The following SLC2A9 variants were observed in gnomAD, a reference collection of about 807,000 sequenced individuals.
SLC2A9 encodes the protein solute carrier family 2, facilitated glucose transporter member 9.
A neutral mutation model predicts 50.6 loss-of-function variants in SLC2A9; 39 were observed. That is an observed-to-expected ratio of 0.77 (90% CI 0.60 to 1.01). The LOEUF (loss-of-function observed/expected upper bound fraction) is 1.01, where lower values mean the gene tolerates loss of function less well. Ranked by LOEUF, SLC2A9 falls within the 50% of genes least tolerant of loss-of-function variation. The pLI is 0.00. For synonymous variants in SLC2A9, 324 were observed against 276.9 expected (o/e 1.17, Z -1.69); for missense variants, 686 against 677.6 (o/e 1.01, Z -0.14).
At chr4:9,890,767 G>T in intron 8 of SLC2A9, 56 bp from the exon 9 acceptor site, 1 of 1,489,882 alleles carries the variant, frequency 6.7e-7, no homozygotes, top group Non-Finnish European at 9.3e-7. Context: ...AACCACAACA[G>T]GGGAATGTGG....
At chr4:10,016,323 T>C (rs1762600190) in intron 2 of SLC2A9, among the ~76,000 whole-genome samples, 1 of 152,180 alleles carries the variant, frequency 6.6e-6, no homozygotes, top group Non-Finnish European at 1.5e-5. Context: ...TATGTGACTG[T>C]GGGAAAGTCA....
intron 5 of SLC2A9, among the ~76,000 whole-genome samples, chr4:9,971,154 T>G (rs13103690): frequency 0.56 from 85,395 of 151,926 alleles, 25,343 homozygotes; most frequent in African/African-American, 0.77. Flanking sequence ...CTACAATTCA[T>G]TGTGTGAGAG....
At chr4:9,920,047 C>A (rs1278676727) in intron 7 of SLC2A9, among the ~76,000 whole-genome samples, 1 of 152,144 alleles carries the variant, frequency 6.6e-6, no homozygotes, top group African/African-American at 2.4e-5. Context: ...ATCTGAATGT[C>A]TCTCACTTCT....
Position 9,790,031 on chromosome 4 carries a change from T to C in SLC2A9, n.386-9966A>G, listed in dbSNP as rs180915348. Among the ~76,000 whole-genome samples, 11 of 152,326 alleles carry C rather than the reference T, an allele frequency of 7.2e-5. No homozygotes were observed. The East Asian group carries it at 7.7e-4, about 11-fold the overall frequency. ...CAATATTCTTGTGACATAGGCACCA[T>C]TGTCCTCATTTGAAAAAGGAGGAAA... On this transcript the variant is annotated intron_variant and non_coding_transcript_variant, in intron 3 of 3. Coordinates refer to the SLC2A9 transcript ENST00000503803.
At chr4:9,924,743 G>A (rs1744586268) in intron 6 of SLC2A9, among the ~76,000 whole-genome samples, 1 of 152,060 alleles carries the variant, frequency 6.6e-6, no homozygotes, top group Non-Finnish European at 1.5e-5. Flanking sequence ...TCAGGCTTTG[G>A]GGGCACCTGA....
chr4:9,855,571 T>C (rs1730601782), intron 10 of SLC2A9, among the ~76,000 whole-genome samples: 1 of 152,162 alleles, frequency 6.6e-6, no homozygotes, highest in Admixed American at 6.6e-5. Context: ...ATGCAATTCA[T>C]GTCAAACTAT....
intron 6 of SLC2A9, among the ~76,000 whole-genome samples, chr4:9,925,789 C>A (rs891315711): frequency 2.0e-5 from 3 of 152,038 alleles, no homozygotes; most frequent in Admixed American, 2.0e-4. Flanking sequence ...AACACAGAAG[C>A]GGGGGAGGGC....
intron 10 of SLC2A9, among the ~76,000 whole-genome samples, chr4:9,835,709 G>T (rs1292362254): frequency 6.6e-6 from 1 of 152,180 alleles, no homozygotes; most frequent in African/African-American, 2.4e-5. Context: ...TAAAATGGGA[G>T]TGAGTCCAGG....
intron 2 of SLC2A9, among the ~76,000 whole-genome samples, chr4:10,016,157 C>G (rs901245266): frequency 6.6e-6 from 1 of 152,232 alleles, no homozygotes; most frequent in Non-Finnish European, 1.5e-5. Flanking sequence ...GCTGCGCATA[C>G]TGGCCACAGA....
chr4:9,942,076 G>A lies in SLC2A9; in HGVS notation c.682-31C>T, dbSNP rs4292327. ...GGAGAAGGAGATGCTGCTGAGTGCAGTGGCCTTTGGTCATTGTTGAGGGGA... is the reference window on the plus strand; with the variant it reads ...GGAGAAGGAGATGCTGCTGAGTGCAATGGCCTTTGGTCATTGTTGAGGGGA... On this transcript the variant is annotated intron_variant, in intron 5 of 11. Coordinates refer to ENST00000264784, the MANE Select transcript of SLC2A9 (RefSeq NM_020041.3). 0.19 allele frequency: 311,959 copies of A among 1,612,712 alleles called. 32,322 individuals carry two copies. The highest frequency in any genetic ancestry group is 0.21 in the Non-Finnish European group (251,303 of 1,179,092).
chr4:9,961,173 C>T (rs566598585), intron 5 of SLC2A9, among the ~76,000 whole-genome samples: 88 of 152,268 alleles, frequency 5.8e-4, no homozygotes, highest in African/African-American at 2.0e-3. Context: ...GAGCAATTTC[C>T]GTCATGCTAT....
chr4:9,785,143 C>G (rs527275736), intron 3 of SLC2A9, among the ~76,000 whole-genome samples: 1 of 152,276 alleles, frequency 6.6e-6, no homozygotes, highest in Admixed American at 6.5e-5. Context: ...GCACCCAGCT[C>G]TAGGATTCAG....
At chr4:9,779,310 G>A (rs1718001970), downstream of SLC2A9, among the ~76,000 whole-genome samples, 1 of 151,936 alleles carries the variant, frequency 6.6e-6, no homozygotes, top group South Asian at 2.1e-4. Flanking sequence ...CCCAACTGCT[G>A]TACACTTAGA....
chr4:9,793,939 T>C (rs1013731561), intron 3 of SLC2A9, among the ~76,000 whole-genome samples: 1 of 152,178 alleles, frequency 6.6e-6, no homozygotes, highest in Admixed American at 6.6e-5. Context: ...CAACAAGGAA[T>C]GAACATCAGA....
chr4:10,016,289 G>A (rs969938740), intron 2 of SLC2A9, among the ~76,000 whole-genome samples: 2 of 152,186 alleles, frequency 1.3e-5, no homozygotes, highest in Non-Finnish European at 2.9e-5. Context: ...AGCCCGCCCA[G>A]GGCCAAACTC....
At chr4:9,888,396 C>T (rs1372526780) in intron 9 of SLC2A9, among the ~76,000 whole-genome samples, 1 of 151,782 alleles carries the variant, frequency 6.6e-6, no homozygotes, top group Non-Finnish European at 1.5e-5. Flanking sequence ...TATTTGTACC[C>T]CTGCCATCTT....
At chr4:9,901,739 A>C in intron 8 of SLC2A9, among the ~76,000 whole-genome samples, 1 of 151,378 alleles carries the variant, frequency 6.6e-6, no homozygotes, top group Non-Finnish European at 1.5e-5. Flanking sequence ...GGGCTGCTGC[A>C]GACATCCCTG....
At chr4:9,996,205 G>C (rs1357462766) in intron 3 of SLC2A9, among the ~76,000 whole-genome samples, 2 of 152,230 alleles carry the variant, frequency 1.3e-5, no homozygotes, top group Non-Finnish European at 2.9e-5. Context: ...ATGTCTCTCA[G>C]TCAGGGAGTG....
At chr4:9,856,439 G>A (rs890116523) in intron 10 of SLC2A9, among the ~76,000 whole-genome samples, 2 of 152,132 alleles carry the variant, frequency 1.3e-5, no homozygotes, top group African/African-American at 4.8e-5. Flanking sequence ...CAGTCAGAAT[G>A]GCTATTCTTA....
Sources: allele counts gnomAD v4.1 joint callset (sites outside exome capture counted in the v4.1 genomes callset), GRCh38; gene constraint gnomAD v4.1.1; transcripts MANE v1.5; gene names NCBI Gene and HGNC (gene_info 2026-07-23, HGNC 2026-07-21).